Variants in BLTP2 observed in about 807,000 individuals in gnomAD.
BLTP2 encodes bridge-like lipid transfer protein family member 2.
At chr17:28,630,945 CA>C in the BLTP2 span, among the ~76,000 whole-genome samples, 1 of 151,944 alleles carries the variant, frequency 6.6e-6, no homozygotes, top group African/African-American at 2.4e-5. Flanking sequence ...AAAGTATTTT[CA>C]AAAAGAAGGA....
the BLTP2 span, chr17:28,644,950 G>T: frequency 9.5e-7 from 1 of 1,054,292 alleles, no homozygotes; most frequent in South Asian, 1.8e-5. Flanking sequence ...CCTCCCTCCC[G>T]CCGCCGCCGC....
chr17:28,639,448 C>A, the BLTP2 span: 2 of 1,611,882 alleles, frequency 1.2e-6, no homozygotes, highest in South Asian at 1.1e-5. Context: ...GCTGAGAGGT[C>A]AATGGTGGTC....
chr17:28,615,754 C>A, the BLTP2 span: 1 of 1,614,062 alleles, frequency 6.2e-7, no homozygotes, highest in East Asian at 2.2e-5. Context: ...CCAGACAGGG[C>A]AGCACCAGGT....
the BLTP2 span, among the ~76,000 whole-genome samples, chr17:28,630,952 A>G: frequency 1.1e-4 from 16 of 152,324 alleles, no homozygotes; most frequent in East Asian, 1.3e-3. Flanking sequence ...TTTCAAAAAG[A>G]AGGATGCTGA....
At chr17:28,639,050 TATC>T in the BLTP2 span, 3 of 502,524 alleles carry the variant, frequency 6.0e-6, no homozygotes, top group Non-Finnish European at 1.1e-5. Flanking sequence ...AGACATTCCT[TATC>T]ATTTAAGTTC....
At chr17:28,639,477 A>G in the BLTP2 span, 2 of 1,613,242 alleles carry the variant, frequency 1.2e-6, no homozygotes, top group Middle Eastern at 3.3e-4. Flanking sequence ...TAAGAAGACC[A>G]GAACTGTGGG....
chr17:28,629,894 T>C, the BLTP2 span, among the ~76,000 whole-genome samples: 2 of 151,288 alleles, frequency 1.3e-5, no homozygotes, highest in Non-Finnish European at 3.0e-5. Flanking sequence ...GGATTACAGG[T>C]GTGAGCCACT....
the BLTP2 span, chr17:28,635,489 T>A: frequency 1.2e-6 from 2 of 1,614,112 alleles, no homozygotes; most frequent in South Asian, 2.2e-5. Flanking sequence ...GATGGTACAG[T>A]CTCAGGAAAC....
At chr17:28,628,933 C>CAA in the BLTP2 span, among the ~76,000 whole-genome samples, 2 of 116,994 alleles carry the variant, frequency 1.7e-5, no homozygotes, top group Non-Finnish European at 1.8e-5. Flanking sequence ...GACGCAGTCT[C>CAA]AAAAAAAAAA....
the BLTP2 span, among the ~76,000 whole-genome samples, chr17:28,629,601 C>G: frequency 2.6e-5 from 4 of 152,180 alleles, no homozygotes; most frequent in East Asian, 7.7e-4. Flanking sequence ...CCTCAGCCTC[C>G]CGAGTAGCTC....
chr17:28,619,645 C>T, the BLTP2 span: 2 of 1,613,222 alleles, frequency 1.2e-6, no homozygotes, highest in East Asian at 4.5e-5. Context: ...GGAAAGAATG[C>T]TGGGGCACCT....
the BLTP2 span, chr17:28,638,544 C>A: frequency 6.2e-7 from 1 of 1,611,690 alleles, no homozygotes; most frequent in East Asian, 2.2e-5. Flanking sequence ...AGAATTGAAT[C>A]CCAAGGCAAA....
chr17:28,625,324 G>C, the BLTP2 span, among the ~76,000 whole-genome samples: 1 of 79,006 alleles, frequency 1.3e-5, no homozygotes, highest in East Asian at 4.1e-4. Context: ...GACAGAGCAA[G>C]ACTCCGTCTC....
At chr17:28,622,871 G>A in the BLTP2 span, among the ~76,000 whole-genome samples, 15,143 of 152,074 alleles carry the variant, frequency 0.1, 785 homozygotes, top group South Asian at 0.15. Context: ...GGTCAGGAGC[G>A]TGAGACCAGC....
the BLTP2 span, among the ~76,000 whole-genome samples, chr17:28,632,413 T>A: frequency 6.6e-6 from 1 of 152,166 alleles, no homozygotes; most frequent in Non-Finnish European, 1.5e-5. Context: ...CTCTCTGCTT[T>A]CCCCTACTGC....
chr17:28,640,630 G>A, the BLTP2 span: 1 of 1,613,958 alleles, frequency 6.2e-7, no homozygotes, highest in South Asian at 1.1e-5. Context: ...TCTGGCAGCT[G>A]CTGGAGAAGG....
At chr17:28,631,796 A>G in the BLTP2 span, 1 of 1,609,328 alleles carries the variant, frequency 6.2e-7, no homozygotes, top group Admixed American at 1.7e-5. Context: ...GGATAGGAGA[A>G]ATGAAAGGAG....
chr17:28,631,548 T>A, the BLTP2 span: 1 of 1,614,156 alleles, frequency 6.2e-7, no homozygotes, highest in Non-Finnish European at 8.5e-7. Context: ...GGGTCTTTGT[T>A]ACCAAGGGAT....
At chr17:28,635,292 G>T in the BLTP2 span, 5 of 1,614,046 alleles carry the variant, frequency 3.1e-6, no homozygotes, top group Admixed American at 3.3e-5. Context: ...ATGCCTGCAG[G>T]GAACCTCCAT....
Sources: gnomAD v4.1 joint callset for allele counts (sites outside exome capture counted in the v4.1 genomes callset) on GRCh38, gnomAD v4.1.1 for gene constraint, MANE v1.5 for transcripts, NCBI Gene and HGNC (gene_info 2026-07-23, HGNC 2026-07-21) for gene names.